Variants in ALDH4A1 observed in about 807,000 individuals in gnomAD.
ALDH4A1 encodes aldehyde dehydrogenase 4 family member A1.
In ALDH4A1, 46 loss-of-function variants were observed where a neutral mutation model predicts 70.5. The ratio of observed to expected loss-of-function variants is 0.65; its 90% CI spans 0.51 to 0.83. The LOEUF (loss-of-function observed/expected upper bound fraction) is 0.83, where lower values mean the gene tolerates loss of function less well. Among genes scored for constraint, ALDH4A1 ranks in the 40% least tolerant of loss-of-function variants. The pLI is 0.00. For missense variants in ALDH4A1, 749 were observed against 766.5 expected, an observed-to-expected ratio of 0.98 and a Z score of 0.27; for synonymous variants, 323 against 324.3, an observed-to-expected ratio of 1.00 and a Z score of 0.04.
In ALDH4A1 at chr1:18,881,888, C is replaced by G; in HGVS notation, c.679-1G>C. Reference sequence around the variant, plus strand: ...TGGGCTTCCATAGGACCACGTTGCCCTGCCCGGGAGGTGTTTCAGTGATGC... The same window carrying G: ...TGGGCTTCCATAGGACCACGTTGCCGTGCCCGGGAGGTGTTTCAGTGATGC... On this transcript the variant is annotated splice_acceptor_variant, in intron 7 of 14. Transcript: ENST00000375341. LOFTEE classifies it high-confidence loss of function. The G allele has an allele frequency of 5.0e-6, 8 of 1,613,034 alleles. No homozygotes were observed. The highest frequency in any genetic ancestry group is 6.8e-6 in the Non-Finnish European group (8 of 1,179,946).
In ALDH4A1 at chr1:18,875,481, G is replaced by A; in HGVS notation, c.1361C>T (p.Ser454Phe). The part of the protein sequence containing the change: ...MKEEIFGPVL[S>F]VYVYPDDKYK... ...CTTGTCATCCGGGTAGACGTACACAGACAGTACAGGCCCGAAGATCTCCTA... is the reference window on the plus strand; with the variant it reads ...CTTGTCATCCGGGTAGACGTACACAAACAGTACAGGCCCGAAGATCTCCTA... Residue 454 changes from serine to phenylalanine, a missense_variant, in exon 13 of 15, where the codon TCT (serine) becomes TTT (phenylalanine). Coordinates refer to ENST00000375341, the MANE Select transcript of ALDH4A1 (RefSeq NM_003748.4). 1 of 1,614,142 alleles carries A rather than the reference G, an allele frequency of 6.2e-7. No homozygotes were observed. Among genetic ancestry groups the A allele is most frequent in the Non-Finnish European group, 8.5e-7 (1 of 1,180,016 alleles).
intron 3 of ALDH4A1, among the ~76,000 whole-genome samples, chr1:18,888,515 G>A (rs1342048275): frequency 2.6e-5 from 4 of 152,204 alleles, no homozygotes; most frequent in South Asian, 2.1e-4. Context: ...TCAGAATGCC[G>A]GAGCCTCGCT....
At chr1:18,897,475 G>A (rs1935662637) in intron 1 of ALDH4A1, among the ~76,000 whole-genome samples, 1 of 152,066 alleles carries the variant, frequency 6.6e-6, no homozygotes, top group Non-Finnish European at 1.5e-5. Context: ...CCCAGGAGGT[G>A]AAGGTTGCAG....
At chr1:18,873,448 C>T (rs1413914442) in intron 14 of ALDH4A1, among the ~76,000 whole-genome samples, 1 of 152,144 alleles carries the variant, frequency 6.6e-6, no homozygotes, top group African/African-American at 2.4e-5. Flanking sequence ...CAGGATGGCA[C>T]TGATTGGCAA....
rs1434975183 is a variant in ALDH4A1, at chr1:18,876,451, T to C, written c.1202A>G (p.Lys401Arg). 2.5e-6 allele frequency: 4 copies of C among 1,600,878 alleles called. No homozygotes were observed. The highest frequency in any genetic ancestry group is 3.4e-6 in the Non-Finnish European group (4 of 1,175,202). ...GGAGCGTGCGTGCTCCAGCCACTTC[T>C]TGATACGGGCAAAGGACTGGGGTGG... ...VIDAKSFARI[K>R]KWLEHARSSP... is the part of the protein sequence containing the mutation. Residue 401 changes from lysine (K) to arginine (R), a missense_variant, in exon 12 of 15, where the codon AAG (lysine) becomes AGG (arginine). Lys to Arg is a conservative substitution (Grantham distance 26). Coordinates refer to ENST00000375341, the MANE Select transcript of ALDH4A1 (RefSeq NM_003748.4).
At position 18,874,551 on chromosome 1, in the gene ALDH4A1, C is replaced by T. The variant is rs1325659220; in HGVS notation, c.1491G>A (p.Leu497=). ...TGTAGAAGTTGCCGGCAGCATTCCTCAGCACCTTTGTGGCCTCCTGCACGA... is the reference window on the plus strand; with the variant it reads ...TGTAGAAGTTGCCGGCAGCATTCCTTAGCACCTTTGTGGCCTCCTGCACGA... ...KDVVQEATKV[L]RNAAGNFYIN... The change falls in exon 14 of 15, where the codon CTG becomes CTA. Residue 497 remains leucine (L), a synonymous_variant. Transcript: ENST00000375341. The T allele has an allele frequency of 1.2e-6, 2 of 1,614,230 alleles. No homozygotes were observed. Among genetic ancestry groups the T allele is most frequent in the South Asian group, 2.2e-5 (2 of 91,090 alleles).
Position 18,872,928 on chromosome 1 carries a change from A to C in ALDH4A1, c.1609T>G (p.Tyr537Asp), listed in dbSNP as rs764336805. ...GTNDKPGGPHYILRWTSPQVI... is the reference protein window; with the variant it reads ...GTNDKPGGPHDILRWTSPQVI... ...TGCGGCGACGTCCAGCGCAGGATGT[A>C]GTGTGGGCCCCCTGGCTTGTCATTG... Residue 537 changes from tyrosine to aspartate, a missense_variant, in exon 15 of 15, where the codon TAC becomes GAC. Transcript: ENST00000375341. 1 of 1,613,924 alleles carries C rather than the reference A, an allele frequency of 6.2e-7. No individual in the cohort carries two copies. The highest frequency in any genetic ancestry group is 8.5e-7 in the Non-Finnish European group (1 of 1,180,012).
In ALDH4A1 at chr1:18,875,367, G is replaced by A. The variant is rs371777923; in HGVS notation, c.1460+15C>T. ...ACCCGGAGCACAGCACCAGGGCTGC[G>A]GCCTGGCCACTCACTTATCCTGGGA... On this transcript the variant is annotated intron_variant, in intron 13 of 14. Transcript: ENST00000375341. The A allele has an allele frequency of 2.0e-4, 326 of 1,613,886 alleles. No homozygotes were observed. The highest frequency in any genetic ancestry group is 1.3e-3 in the Middle Eastern group (8 of 5,996).
chr1:18,883,300 G>A lies in ALDH4A1; in HGVS notation c.582C>T (p.Ser194=), dbSNP rs1305229709. Residue 194 remains serine (S), a synonymous_variant, in exon 6 of 15, where the codon AGC becomes AGT. Coordinates refer to ENST00000375341, the MANE Select transcript of ALDH4A1 (RefSeq NM_003748.4). ...GTACCTCCAGACCCCGGTACACCGT[G>A]CTGTTGGTGCTCGGGGGCACGCTGA... is the stretch of plus-strand genomic sequence containing the variant. ...QPISVPPSTN[S]TVYRGLEGFV... is the part of the protein sequence containing the mutation. The A allele has an allele frequency of 6.2e-7, 1 of 1,613,288 alleles. No individual in the cohort carries two copies. Among genetic ancestry groups the A allele is most frequent in the Non-Finnish European group, 8.5e-7 (1 of 1,180,050 alleles).
intron 9 of ALDH4A1, among the ~76,000 whole-genome samples, chr1:18,878,385 A>G (rs1371873649): frequency 6.6e-6 from 1 of 152,050 alleles, no homozygotes; most frequent in Non-Finnish European, 1.5e-5. Flanking sequence ...GAGAGCAGAA[A>G]GCCACACAGC....
In ALDH4A1 at chr1:18,880,224, G is replaced by A. The variant is rs1934913829; in HGVS notation, c.867-851C>T. On this transcript the variant is annotated intron_variant, in intron 8 of 14. Transcript: ENST00000375341. The surrounding 1 kb of genome is among the most constrained non-coding windows in gnomAD (Gnocchi z 5.1). ...CAGAGCCTGGGGCCTGGAAGAGGAG[G>A]TAAGAAGGACCCTGAGCTGCAGACC... Among the ~76,000 whole-genome samples, 1 of 125,822 alleles carries A rather than the reference G, an allele frequency of 7.9e-6. No individual in the cohort carries two copies. Among genetic ancestry groups the A allele is most frequent in the South Asian group, 3.0e-4 (1 of 3,364 alleles). The allele number at this position is 125,822 out of a possible 152,430, so 82.5% of individuals were successfully genotyped here. A position where few individuals can be genotyped will look rare whatever the true frequency, so the allele number is the denominator to read the frequency against.
intron 1 of ALDH4A1, among the ~76,000 whole-genome samples, chr1:18,901,478 C>A (rs1383173981): frequency 2.0e-5 from 3 of 152,122 alleles, no homozygotes; most frequent in Non-Finnish European, 4.4e-5. Context: ...CCCCACCAGA[C>A]TAGGAACCCC....
intron 9 of ALDH4A1, 72 bp downstream of exon 9, chr1:18,879,228 C>T (rs1934862887): frequency 6.9e-7 from 1 of 1,444,516 alleles, no homozygotes; most frequent in Non-Finnish European, 9.5e-7. Flanking sequence ...CCTCTACCTC[C>T]CTCCTCTTTC....
Position 18,880,397 on chromosome 1 carries a change from C to T in ALDH4A1, c.867-1024G>A, listed in dbSNP as rs1934923768. ...AACCCCCCTCATCCCCACACGCACC[C>T]CAACCCCAACTCCAGGACAGGCAAT... On this transcript the variant is annotated intron_variant, in intron 8 of 14. Coordinates refer to ENST00000375341, the MANE Select transcript of ALDH4A1 (RefSeq NM_003748.4). This position sits in a 1 kb window ranked among gnomAD's most constrained non-coding sequence, Gnocchi z 5.1. 6.6e-6 allele frequency among the ~76,000 whole-genome samples: 1 copy of T among 152,160 alleles called. No homozygotes were observed. The highest frequency in any genetic ancestry group is 2.4e-5 in the African/African-American group (1 of 41,438).
chr1:18,890,183 G>GTCGGAGGT, intron 1 of ALDH4A1, 78 bp from the exon 2 acceptor site: 2 of 1,241,306 alleles, frequency 1.6e-6, no homozygotes, highest in Non-Finnish European at 2.3e-6. Flanking sequence ...CTCTACCTCC[G>GTCGGAGGT]ACAGGGGGTC....
intron 8 of ALDH4A1, 81 bp downstream of exon 8, chr1:18,881,619 A>G: frequency 6.6e-7 from 1 of 1,508,828 alleles, no homozygotes; most frequent in South Asian, 1.1e-5. Flanking sequence ...CTGGGTTCAC[A>G]GCCCCATCCC....
chr1:18,879,446 A>G, intron 8 of ALDH4A1, 73 bp from the exon 9 acceptor site: 1 of 1,381,198 alleles, frequency 7.2e-7, no homozygotes, highest in Non-Finnish European at 1.0e-6. Context: ...CCCAGGGAGG[A>G]GCATTGCCGG....
intron 1 of ALDH4A1, among the ~76,000 whole-genome samples, chr1:18,902,055 G>T (rs78822272): frequency 0.16 from 24,512 of 151,972 alleles, 2,556 homozygotes; most frequent in Non-Finnish European, 0.22. Flanking sequence ...CGTGAGACGA[G>T]GGTGGGGAAG....
rs1285508181 is a variant in ALDH4A1 at position 18,877,546 on chromosome 1, G to A, written c.1007C>T (p.Thr336Ile). The change falls in exon 10 of 15, where the codon ACC becomes ATC. Residue 336 changes from threonine (T) to isoleucine (I), a missense_variant. By Grantham distance (89) the Thr-to-Ile change is moderately conservative (BLOSUM62 -1). Transcript: ENST00000375341. ...SADVESVVSG[T>I]LRSAFEYGGQ... ...ACCGTACTCGAAGGCTGAGCGGAGG[G>A]TCCCGCTCACCACGCTCTCCACGTC... is the stretch of plus-strand genomic sequence containing the variant. 1 of 1,612,114 alleles carries A rather than the reference G, an allele frequency of 6.2e-7. No homozygotes were observed. Among genetic ancestry groups the A allele is most frequent in the East Asian group, 2.2e-5 (1 of 44,864 alleles).
Sources: allele counts gnomAD v4.1 joint callset (sites outside exome capture counted in the v4.1 genomes callset), GRCh38; gene constraint gnomAD v4.1.1; non-coding constraint Gnocchi (gnomAD v3.1); transcripts MANE v1.5; gene names NCBI Gene and HGNC (gene_info 2026-07-23, HGNC 2026-07-21).